LRRC4C: variants seen among roughly 807,000 people sequenced by gnomAD.
LRRC4C encodes the protein leucine rich repeat containing 4C.
LRRC4C carries 5 observed loss-of-function variants against 33.6 expected under a neutral mutation model. That is an observed-to-expected ratio of 0.15 (90% CI 0.08 to 0.31). The LOEUF is 0.31. Ranked by LOEUF, LRRC4C falls within the 10% of genes least tolerant of loss-of-function variation. The pLI, the probability that LRRC4C is intolerant of heterozygous loss-of-function variation, is 1.00. For synonymous variants in LRRC4C, 329 were observed against 302.0 expected (o/e 1.09, Z -0.93); for missense variants, 560 against 796.7 (o/e 0.70, Z 3.58).
chr11:41,160,976 T>C (rs1944445152), intron 1 of LRRC4C, among the ~76,000 whole-genome samples: 1 of 152,164 alleles, frequency 6.6e-6, no homozygotes, highest in Non-Finnish European at 1.5e-5. Context: ...TTTTGAGGAA[T>C]GGGAACAATT....
At chr11:40,272,478 A>G (rs1005174226) in intron 4 of LRRC4C, among the ~76,000 whole-genome samples, 1 of 152,128 alleles carries the variant, frequency 6.6e-6, no homozygotes, top group African/African-American at 2.4e-5. Context: ...AGAATCATCT[A>G]TTCTTTAACC....
At chr11:40,552,181 TA>T (rs1330540792) in intron 3 of LRRC4C, among the ~76,000 whole-genome samples, 2 of 152,208 alleles carry the variant, frequency 1.3e-5, no homozygotes, top group African/African-American at 2.4e-5. Flanking sequence ...TGTCTTTCTA[TA>T]CATCCCATTG....
At chr11:40,581,786 C>T (rs1958478273) in intron 3 of LRRC4C, among the ~76,000 whole-genome samples, 1 of 152,080 alleles carries the variant, frequency 6.6e-6, no homozygotes, top group African/African-American at 2.4e-5. Context: ...ACCTGTAATC[C>T]CAGCTACTCG....
chr11:41,129,299 C>T (rs2135823476), intron 1 of LRRC4C, among the ~76,000 whole-genome samples: 1 of 152,056 alleles, frequency 6.6e-6, no homozygotes, highest in Non-Finnish European at 1.5e-5. Flanking sequence ...GTTCTCTGGG[C>T]TACCAAGCTT....
At chr11:40,991,478 G>A (rs1423320121) in intron 1 of LRRC4C, among the ~76,000 whole-genome samples, 1 of 152,156 alleles carries the variant, frequency 6.6e-6, no homozygotes. Flanking sequence ...ACAGATCTGG[G>A]AGTGACTGTT....
chr11:40,330,798 A>T (rs1352974040), intron 3 of LRRC4C, among the ~76,000 whole-genome samples: 2 of 152,166 alleles, frequency 1.3e-5, no homozygotes, highest in Non-Finnish European at 1.5e-5. Context: ...GGATTATGGG[A>T]ACTACAACCC....
chr11:41,179,039 A>G (rs1018205425), intron 1 of LRRC4C, among the ~76,000 whole-genome samples: 87 of 152,260 alleles, frequency 5.7e-4, no homozygotes, highest in Non-Finnish European at 4.6e-4. Flanking sequence ...AGTAATTTGC[A>G]TGGTCCTGTA....
intron 5 of LRRC4C, among the ~76,000 whole-genome samples, chr11:40,218,526 A>G (rs1234387827): frequency 6.6e-6 from 1 of 152,156 alleles, no homozygotes; most frequent in Non-Finnish European, 1.5e-5. Flanking sequence ...AGATCGTCAG[A>G]GGAACTAAGA....
intron 2 of LRRC4C, among the ~76,000 whole-genome samples, chr11:40,792,038 C>T (rs1950643465): frequency 6.6e-6 from 1 of 151,892 alleles, no homozygotes; most frequent in Non-Finnish European, 1.5e-5. Context: ...CGCTCTTAAA[C>T]TCTAAACACT....
intron 5 of LRRC4C, among the ~76,000 whole-genome samples, chr11:40,163,163 A>G (rs1859302627): frequency 6.6e-6 from 1 of 152,226 alleles, no homozygotes; most frequent in Non-Finnish European, 1.5e-5. Context: ...AGCACAGTGC[A>G]TCCTATCCAT....
intron 3 of LRRC4C, among the ~76,000 whole-genome samples, chr11:40,406,271 A>G (rs1949961155): frequency 6.6e-6 from 1 of 152,072 alleles, no homozygotes; most frequent in Non-Finnish European, 1.5e-5. Flanking sequence ...CCTAAGTTTA[A>G]TTAATATTTC....
At chr11:40,825,652 C>A (rs1414461849) in intron 2 of LRRC4C, among the ~76,000 whole-genome samples, 2 of 151,860 alleles carry the variant, frequency 1.3e-5, no homozygotes, top group African/African-American at 4.8e-5. Context: ...TTGGACCTGG[C>A]CTTCATTTTT....
intron 3 of LRRC4C, among the ~76,000 whole-genome samples, chr11:40,586,955 C>T (rs1408211218): frequency 1.3e-5 from 2 of 152,016 alleles, no homozygotes; most frequent in South Asian, 2.1e-4. Flanking sequence ...TTTGGTGATG[C>T]GGGCTCTTTT....
intron 1 of LRRC4C, among the ~76,000 whole-genome samples, chr11:41,186,753 A>C (rs1945710813): frequency 6.6e-6 from 1 of 152,164 alleles, no homozygotes; most frequent in Admixed American, 6.5e-5. Flanking sequence ...ACATAATTTC[A>C]ACCAAAATCT....
intron 2 of LRRC4C, among the ~76,000 whole-genome samples, chr11:40,921,036 T>C (rs962259363): frequency 2.0e-5 from 3 of 151,778 alleles, no homozygotes; most frequent in African/African-American, 7.3e-5. Flanking sequence ...TCCTTGCACC[T>C]TAGCTTCCCA....
intron 2 of LRRC4C, among the ~76,000 whole-genome samples, chr11:40,657,048 A>G (rs2136187241): frequency 6.6e-6 from 1 of 152,356 alleles, no homozygotes; most frequent in East Asian, 1.9e-4. Flanking sequence ...CTACCAAAAA[A>G]AGTGTAAAAA....
intron 2 of LRRC4C, among the ~76,000 whole-genome samples, chr11:40,831,666 AC>A (rs1719000308): frequency 5.3e-5 from 8 of 152,142 alleles, no homozygotes; most frequent in Admixed American, 5.2e-4. Context: ...ACTCAGTTCT[AC>A]ATGGCTGCAG....
intron 3 of LRRC4C, among the ~76,000 whole-genome samples, chr11:40,381,060 T>C (rs2137344919): frequency 6.6e-6 from 1 of 152,268 alleles, no homozygotes; most frequent in South Asian, 2.1e-4. Flanking sequence ...GCCAAGAATC[T>C]TATGACTATG....
intron 1 of LRRC4C, among the ~76,000 whole-genome samples, chr11:41,146,482 T>A (rs1943732764): frequency 6.6e-6 from 1 of 152,216 alleles, no homozygotes; most frequent in South Asian, 2.1e-4. Context: ...AACAATGAAC[T>A]CAGTAATCCT....
Sources: allele counts gnomAD v4.1 joint callset (sites outside exome capture counted in the v4.1 genomes callset), GRCh38; gene constraint gnomAD v4.1.1; transcripts MANE v1.5; gene names NCBI Gene and HGNC (gene_info 2026-07-23, HGNC 2026-07-21).